KCNH8: variants seen among roughly 807,000 people sequenced by gnomAD.
The protein encoded by KCNH8 is voltage-gated delayed rectifier potassium channel KCNH8.
A neutral mutation model predicts 103.6 loss-of-function variants in KCNH8; 70 were observed. The observed-to-expected ratio is 0.68, with a 90% CI of 0.56 to 0.82. The LOEUF is 0.82. Ranked by LOEUF, KCNH8 falls within the 40% of genes least tolerant of loss-of-function variation. The probability of loss-of-function intolerance (pLI) is 0.00; values close to 1 mark genes in which losing one functional copy is unlikely to be tolerated. For synonymous variants in KCNH8, 498 were observed against 489.4 expected (o/e 1.02, Z -0.23); for missense variants, 1,217 against 1,329.9 (o/e 0.92, Z 1.32).
chr3:19,255,126 C>T (rs971927297), intron 2 of KCNH8, among the ~76,000 whole-genome samples: 1 of 151,984 alleles, frequency 6.6e-6, no homozygotes, highest in African/African-American at 2.4e-5. Flanking sequence ...GGTGTGCACA[C>T]ACAAAAGAAA....
At chr3:19,249,732 G>A (rs1426261534) in intron 1 of KCNH8, among the ~76,000 whole-genome samples, 1 of 152,108 alleles carries the variant, frequency 6.6e-6, no homozygotes, top group African/African-American at 2.4e-5. Flanking sequence ...TAGGCACTAT[G>A]TTGCTTGAGG....
intron 4 of KCNH8, among the ~76,000 whole-genome samples, chr3:19,343,318 T>C (rs913042226): frequency 4.6e-5 from 7 of 152,110 alleles, no homozygotes; most frequent in Non-Finnish European, 8.8e-5. Flanking sequence ...GTGTCTTACC[T>C]GTCAAAGCCA....
intron 3 of KCNH8, among the ~76,000 whole-genome samples, chr3:19,301,615 G>A (rs1239992707): frequency 6.6e-6 from 1 of 152,002 alleles, no homozygotes; most frequent in Non-Finnish European, 1.5e-5. Flanking sequence ...ATTCTCTGTG[G>A]ACACCAAGTG....
chr3:19,203,900 T>G (rs112670326), intron 1 of KCNH8, among the ~76,000 whole-genome samples: 4,225 of 152,152 alleles, frequency 0.028, 201 homozygotes, highest in African/African-American at 0.095. Flanking sequence ...ATGTTTATTG[T>G]TCAGATAAGA....
intron 1 of KCNH8, among the ~76,000 whole-genome samples, chr3:19,246,065 T>A (rs1245489487): frequency 2.0e-5 from 3 of 152,132 alleles, no homozygotes; most frequent in Non-Finnish European, 4.4e-5. Context: ...TTATTGATGA[T>A]TTTGCTAATT....
At chr3:19,407,819 CT>C in intron 7 of KCNH8, among the ~76,000 whole-genome samples, 1 of 152,228 alleles carries the variant, frequency 6.6e-6, no homozygotes, top group South Asian at 2.1e-4. Context: ...ACCCACTCTC[CT>C]AGATTGAGCT....
chr3:19,496,182 TTA>T (rs1188881208), intron 11 of KCNH8, among the ~76,000 whole-genome samples: 1 of 152,120 alleles, frequency 6.6e-6, no homozygotes, highest in Non-Finnish European at 1.5e-5. Flanking sequence ...TGGATGCCTT[TTA>T]TTTCTTTCTC....
chr3:19,195,811 T>C (rs966165920), intron 1 of KCNH8, among the ~76,000 whole-genome samples: 3 of 151,974 alleles, frequency 2.0e-5, no homozygotes, highest in Admixed American at 6.6e-5. Context: ...GTAGCTTCGA[T>C]GTCAGTGGTT....
intron 6 of KCNH8, among the ~76,000 whole-genome samples, chr3:19,394,487 A>G (rs78823254): frequency 6.8e-6 from 1 of 147,744 alleles, no homozygotes. Flanking sequence ...GAGAGAGAGA[A>G]AGAGAGAGAG....
intron 11 of KCNH8, among the ~76,000 whole-genome samples, chr3:19,508,995 A>T (rs1028082354): frequency 3.3e-5 from 5 of 152,208 alleles, no homozygotes; most frequent in African/African-American, 1.2e-4. Flanking sequence ...CTGTAATCCA[A>T]GCTATAAATG....
intron 1 of KCNH8, among the ~76,000 whole-genome samples, chr3:19,187,200 A>C (rs376444377): frequency 1.4e-3 from 213 of 152,086 alleles, no homozygotes; most frequent in African/African-American, 4.9e-3. Flanking sequence ...CCAATAGAGA[A>C]TATACTGAAA....
intron 2 of KCNH8, among the ~76,000 whole-genome samples, chr3:19,275,030 G>A (rs1468912282): frequency 6.6e-6 from 1 of 150,972 alleles, no homozygotes; most frequent in African/African-American, 2.4e-5. Context: ...CCAGAAATAT[G>A]ATCTCATCAT....
intron 1 of KCNH8, among the ~76,000 whole-genome samples, chr3:19,250,006 G>A (rs981552897): frequency 4.6e-5 from 7 of 152,168 alleles, no homozygotes; most frequent in Admixed American, 6.5e-5. Context: ...AGGCCAAGGT[G>A]AGTGAACCAC....
intron 2 of KCNH8, among the ~76,000 whole-genome samples, chr3:19,274,416 ACT>A (rs1365671028): frequency 6.6e-6 from 1 of 152,094 alleles, no homozygotes; most frequent in East Asian, 1.9e-4. Context: ...ATTGGACTGT[ACT>A]CAGTTGTTCC....
chr3:19,237,201 C>T (rs564874378), intron 1 of KCNH8, among the ~76,000 whole-genome samples: 20 of 152,238 alleles, frequency 1.3e-4, no homozygotes, highest in South Asian at 6.2e-4. Context: ...TTGGTGTTTT[C>T]GTTGTTGAGT....
chr3:19,239,304 AC>A (rs2064105499), intron 1 of KCNH8, among the ~76,000 whole-genome samples: 1 of 152,178 alleles, frequency 6.6e-6, no homozygotes, highest in Non-Finnish European at 1.5e-5. Context: ...GATAACTAGT[AC>A]AGTCCTGGAC....
chr3:19,169,624 G>T (rs545593108), intron 1 of KCNH8, among the ~76,000 whole-genome samples: 6 of 152,114 alleles, frequency 3.9e-5, no homozygotes, highest in Admixed American at 6.5e-5. Context: ...TTTGTTGACC[G>T]CATCTGAAAA....
At chr3:19,493,182 C>G (rs887540459) in intron 11 of KCNH8, among the ~76,000 whole-genome samples, 1 of 152,010 alleles carries the variant, frequency 6.6e-6, no homozygotes, top group Non-Finnish European at 1.5e-5. Context: ...GACAGTTTGG[C>G]CTCTTGTCTT....
chr3:19,262,201 G>A (rs1308812035), intron 2 of KCNH8, among the ~76,000 whole-genome samples: 1 of 151,638 alleles, frequency 6.6e-6, no homozygotes, highest in African/African-American at 2.4e-5. Context: ...TGGGTAGTGT[G>A]GACATTTTAA....
Sources: gnomAD v4.1 joint callset for allele counts (sites outside exome capture counted in the v4.1 genomes callset) on GRCh38, gnomAD v4.1.1 for gene constraint, MANE v1.5 for transcripts, NCBI Gene and HGNC (gene_info 2026-07-23, HGNC 2026-07-21) for gene names.